Variants in CALN1 observed in about 807,000 individuals in gnomAD.
The protein encoded by CALN1 is calcium-binding protein 8.
CALN1 carries 17 observed loss-of-function variants against 30.6 expected under a neutral mutation model. The observed-to-expected ratio is 0.56, with a 90% CI of 0.38 to 0.83. CALN1 has a LOEUF of 0.83. CALN1 is among the 40% of genes least tolerant of loss of function. CALN1 has a pLI of 0.00. For missense variants in CALN1, 291 were observed against 354.9 expected, an observed-to-expected ratio of 0.82 and a Z score of 1.45; for synonymous variants, 156 against 131.4, an observed-to-expected ratio of 1.19 and a Z score of -1.28.
At chr7:72,106,108 C>G in intron 4 of CALN1, 43 bp downstream of exon 4, 1 of 1,602,338 alleles carries the variant, frequency 6.2e-7, no homozygotes, top group Non-Finnish European at 8.5e-7. Context: ...ACTGATGAGA[C>G]CGGGGCATGT....
chr7:71,923,387 G>A (rs1307438437), intron 5 of CALN1, among the ~76,000 whole-genome samples: 1 of 152,138 alleles, frequency 6.6e-6, no homozygotes, highest in Non-Finnish European at 1.5e-5. Flanking sequence ...AAGGAAGAAT[G>A]CATTTTATTT....
At chr7:72,460,063 G>T in the CALN1 span, among the ~76,000 whole-genome samples, 3 of 152,112 alleles carry the variant, frequency 2.0e-5, no homozygotes, top group Non-Finnish European at 4.4e-5. Context: ...AGCATCACAT[G>T]GCAAGAGAGG....
At chr7:71,911,872 C>T (rs1474165216) in intron 5 of CALN1, among the ~76,000 whole-genome samples, 2 of 152,026 alleles carry the variant, frequency 1.3e-5, no homozygotes, top group Non-Finnish European at 2.9e-5. Context: ...GATAAAGTAA[C>T]GACGAAGATG....
intron 2 of CALN1, among the ~76,000 whole-genome samples, chr7:72,281,321 G>T (rs899540340): frequency 2.2e-4 from 34 of 152,108 alleles, no homozygotes; most frequent in African/African-American, 8.0e-4. Context: ...TTGGCTCTTT[G>T]TAAACAACCC....
intron 4 of CALN1, among the ~76,000 whole-genome samples, chr7:72,032,037 AC>A (rs1238780075): frequency 2.3e-5 from 3 of 132,488 alleles, no homozygotes; most frequent in African/African-American, 8.5e-5. Flanking sequence ...GTGAGCCACC[AC>A]ACCTGGCTCC....
the CALN1 span, among the ~76,000 whole-genome samples, chr7:72,457,534 T>A: frequency 6.6e-6 from 1 of 152,136 alleles, no homozygotes. Flanking sequence ...AGTGAACTCC[T>A]ACATATCCAT....
At chr7:72,372,601 A>G (rs1173500969) in intron 2 of CALN1, among the ~76,000 whole-genome samples, 2 of 152,166 alleles carry the variant, frequency 1.3e-5, no homozygotes, top group East Asian at 1.9e-4. Flanking sequence ...GAACTGAACA[A>G]TGGAGTAGAC....
intron 5 of CALN1, among the ~76,000 whole-genome samples, chr7:71,922,736 A>G (rs1263791065): frequency 8.0e-6 from 1 of 124,274 alleles, no homozygotes; most frequent in East Asian, 2.4e-4. Flanking sequence ...CATACAGAAT[A>G]TATTATATAT....
chr7:72,013,571 C>A (rs1240378173), intron 5 of CALN1, among the ~76,000 whole-genome samples: 4 of 151,970 alleles, frequency 2.6e-5, no homozygotes. Flanking sequence ...ATTTTGTTAA[C>A]TTTACTGAAT....
chr7:72,015,150 T>C (rs1800304887), intron 5 of CALN1, among the ~76,000 whole-genome samples: 1 of 152,208 alleles, frequency 6.6e-6, no homozygotes, highest in Admixed American at 6.5e-5. Context: ...TCAATTACAC[T>C]TATGAATAAG....
chr7:72,283,972 AACTGGT>A (rs1299111318), intron 2 of CALN1, among the ~76,000 whole-genome samples: 17 of 152,316 alleles, frequency 1.1e-4, no homozygotes, highest in Non-Finnish European at 2.2e-4. Flanking sequence ...GGGGTCAAGG[AACTGGT>A]ACATTTCTTG....
intron 5 of CALN1, among the ~76,000 whole-genome samples, chr7:72,000,072 G>C (rs1472498687): frequency 6.6e-6 from 1 of 152,056 alleles, no homozygotes; most frequent in Non-Finnish European, 1.5e-5. Context: ...AAGAAAGTGA[G>C]CGTGGAATGT....
At chr7:71,979,787 T>G (rs1202321691) in intron 5 of CALN1, among the ~76,000 whole-genome samples, 1 of 152,028 alleles carries the variant, frequency 6.6e-6, no homozygotes, top group East Asian at 1.9e-4. Context: ...AGGTGTCTCA[T>G]GTCTTCTGCT....
intron 4 of CALN1, among the ~76,000 whole-genome samples, chr7:72,075,834 T>C (rs1458554667): frequency 6.6e-6 from 1 of 152,118 alleles, no homozygotes; most frequent in African/African-American, 2.4e-5. Flanking sequence ...TAGAGACATC[T>C]GGGTGTCAGG....
intron 5 of CALN1, among the ~76,000 whole-genome samples, chr7:71,973,234 G>A (rs1052974038): frequency 2.6e-5 from 4 of 151,802 alleles, no homozygotes; most frequent in African/African-American, 9.7e-5. Flanking sequence ...GGAGTGCAGT[G>A]GCACAATCTC....
chr7:72,136,136 A>AAAATAAATAATAAAT (rs1554450944), intron 3 of CALN1, among the ~76,000 whole-genome samples: 2 of 140,802 alleles, frequency 1.4e-5, no homozygotes, highest in Non-Finnish European at 3.0e-5. Flanking sequence ...CTCTGTCTCA[A>AAAATAAATAATAAAT]AAATAAATAA....
chr7:72,200,023 AAAG>A (rs1791312594), intron 3 of CALN1, among the ~76,000 whole-genome samples: 1 of 152,202 alleles, frequency 6.6e-6, no homozygotes, highest in African/African-American at 2.4e-5. Flanking sequence ...TTCAATCTTC[AAAG>A]AAGAAATGGA....
intron 4 of CALN1, among the ~76,000 whole-genome samples, chr7:72,094,178 A>C (rs998160250): frequency 6.6e-6 from 1 of 152,234 alleles, no homozygotes; most frequent in African/African-American, 2.4e-5. Flanking sequence ...CATCTGGGGA[A>C]TAGGTGTAAC....
intron 3 of CALN1, among the ~76,000 whole-genome samples, chr7:72,214,168 G>A (rs1792606024): frequency 6.6e-6 from 1 of 152,204 alleles, no homozygotes; most frequent in East Asian, 1.9e-4. Flanking sequence ...TAGTTAATGT[G>A]CTACCTTCTT....
Sources: allele counts gnomAD v4.1 joint callset (sites outside exome capture counted in the v4.1 genomes callset), GRCh38; gene constraint gnomAD v4.1.1; transcripts MANE v1.5; gene names NCBI Gene and HGNC (gene_info 2026-07-23, HGNC 2026-07-21).